BBX: variants seen among roughly 807,000 people sequenced by gnomAD.
The protein encoded by BBX is HMG box transcription factor BBX.
In BBX, 30 loss-of-function variants were observed where a neutral mutation model predicts 100.2. The observed-to-expected ratio is 0.30, with a 90% CI of 0.22 to 0.41. BBX has a LOEUF of 0.41. Among genes scored for constraint, BBX ranks in the 10% least tolerant of loss-of-function variants. BBX has a pLI of 1.00. For synonymous variants in BBX, 376 were observed against 388.1 expected, an observed-to-expected ratio of 0.97 and a Z score of 0.37; for missense variants, 1,023 against 1,129.8, an observed-to-expected ratio of 0.91 and a Z score of 1.35.
chr3:107,789,987 T>G, intron 14 of BBX, 111 bp downstream of exon 14: 1 of 753,326 alleles, frequency 1.3e-6, no homozygotes, highest in Non-Finnish European at 2.1e-6. Flanking sequence ...CTCTGCTTGC[T>G]TCAGTGCCAT....
At chr3:107,724,189 G>T (rs936403426) in intron 5 of BBX, among the ~76,000 whole-genome samples, 3 of 152,068 alleles carry the variant, frequency 2.0e-5, no homozygotes, top group African/African-American at 2.4e-5. Flanking sequence ...TCATGTGTCT[G>T]TTGGCTGCAT....
At chr3:107,751,033 G>GT (rs1432648186) in intron 9 of BBX, among the ~76,000 whole-genome samples, 1 of 152,198 alleles carries the variant, frequency 6.6e-6, no homozygotes, top group Non-Finnish European at 1.5e-5. Context: ...TTTTGAACAA[G>GT]TTTCCTATTA....
At chr3:107,722,686 C>A (rs2062628495) in intron 5 of BBX, among the ~76,000 whole-genome samples, 1 of 151,918 alleles carries the variant, frequency 6.6e-6, no homozygotes, top group Admixed American at 6.6e-5. Context: ...TAATGTAGAA[C>A]TTAAAATATT....
At chr3:107,677,529 ATAACT>A (rs1347642291) in intron 3 of BBX, 4 of 152,156 alleles carry the variant, frequency 2.6e-5, no homozygotes, top group African/African-American at 9.6e-5. Context: ...TCCAAACATC[ATAACT>A]TAGCTTAGCC....
intron 2 of BBX, among the ~76,000 whole-genome samples, chr3:107,545,169 C>CT (rs1256485449): frequency 6.6e-6 from 1 of 151,974 alleles, no homozygotes; most frequent in African/African-American, 2.4e-5. Flanking sequence ...GTTAGTGTGT[C>CT]TTTTAGAGTT....
chr3:107,641,178 G>A (rs1232584608), intron 2 of BBX, among the ~76,000 whole-genome samples: 4 of 149,612 alleles, frequency 2.7e-5, no homozygotes, highest in Admixed American at 6.7e-5. Context: ...TCCACCTCCC[G>A]GGTTTAAGCA....
chr3:107,737,931 C>G (rs1463495941), intron 7 of BBX, among the ~76,000 whole-genome samples: 1 of 57,336 alleles, frequency 1.7e-5, no homozygotes, highest in African/African-American at 6.4e-5. Context: ...TTGTATGATC[C>G]TTACCTTTTG....
At chr3:107,567,124 G>A (rs2050977767) in intron 2 of BBX, among the ~76,000 whole-genome samples, 1 of 152,104 alleles carries the variant, frequency 6.6e-6, no homozygotes, top group South Asian at 2.1e-4. Context: ...AGGTTAGTGA[G>A]TATGATCTGC....
chr3:107,659,978 C>G (rs1347224328), intron 3 of BBX, among the ~76,000 whole-genome samples: 1 of 152,086 alleles, frequency 6.6e-6, no homozygotes, highest in African/African-American at 2.4e-5. Context: ...TGTTTCCACA[C>G]ATAGCAGTGA....
intron 3 of BBX, among the ~76,000 whole-genome samples, chr3:107,666,646 A>C (rs904741386): frequency 1.3e-5 from 2 of 152,150 alleles, no homozygotes; most frequent in African/African-American, 2.4e-5. Flanking sequence ...GCTCACTGCA[A>C]CCTCTGCCTC....
chr3:107,788,948 T>C (rs2068709222), intron 13 of BBX, among the ~76,000 whole-genome samples: 3 of 152,096 alleles, frequency 2.0e-5, no homozygotes, highest in East Asian at 1.9e-4. Context: ...TAAAAGAATT[T>C]GTTTGTATAG....
At chr3:107,654,097 A>T (rs2057999637) in intron 3 of BBX, among the ~76,000 whole-genome samples, 1 of 152,188 alleles carries the variant, frequency 6.6e-6, no homozygotes, top group South Asian at 2.1e-4. Context: ...ATGAAGAAAA[A>T]TTTGAAGTCA....
At chr3:107,524,826 T>C (rs909011954) in intron 1 of BBX, among the ~76,000 whole-genome samples, 1 of 12,998 alleles carries the variant, frequency 7.7e-5, no homozygotes, top group African/African-American at 3.6e-4. Flanking sequence ...AAGGGGAAGG[T>C]GGGTGGAGGT....
intron 3 of BBX, among the ~76,000 whole-genome samples, chr3:107,705,123 C>T (rs1204901800): frequency 2.0e-5 from 3 of 151,976 alleles, no homozygotes; most frequent in Admixed American, 6.6e-5. Flanking sequence ...CTAGAGTTTC[C>T]ACTATGTTAC....
intron 7 of BBX, among the ~76,000 whole-genome samples, chr3:107,738,579 C>T (rs759563463): frequency 9.9e-5 from 15 of 152,144 alleles, no homozygotes; most frequent in Non-Finnish European, 1.5e-4. Context: ...TAACAGCCCA[C>T]GATGGTGAGG....
chr3:107,745,589 T>G (rs997058547), intron 8 of BBX, among the ~76,000 whole-genome samples: 4 of 151,978 alleles, frequency 2.6e-5, no homozygotes, highest in Admixed American at 2.6e-4. Flanking sequence ...AGCCTCCTGA[T>G]AGCTAGGACT....
At chr3:107,716,472 AATT>A in intron 4 of BBX, 132 bp from the exon 5 acceptor site, 2 of 1,115,858 alleles carry the variant, frequency 1.8e-6, no homozygotes, top group Non-Finnish European at 2.5e-6. Context: ...GATTTTTTAA[AATT>A]ATATTTTTTT....
intron 5 of BBX, among the ~76,000 whole-genome samples, chr3:107,723,429 ACTTT>A (rs1428575864): frequency 1.3e-5 from 2 of 151,844 alleles, no homozygotes; most frequent in Admixed American, 1.3e-4. Flanking sequence ...TTTTTATTAT[ACTTT>A]AAGTTCTAGT....
chr3:107,619,725 G>A (rs2055596406), intron 2 of BBX, among the ~76,000 whole-genome samples: 1 of 152,148 alleles, frequency 6.6e-6, no homozygotes, highest in South Asian at 2.1e-4. Context: ...ATAGGATCCT[G>A]GATCGACAGT....
Sources: gnomAD v4.1 joint callset for allele counts (sites outside exome capture counted in the v4.1 genomes callset) on GRCh38, gnomAD v4.1.1 for gene constraint, MANE v1.5 for transcripts, NCBI Gene and HGNC (gene_info 2026-07-23, HGNC 2026-07-21) for gene names.